Variants in GNA14 observed in about 807,000 individuals in gnomAD.
GNA14 encodes the protein guanine nucleotide-binding protein subunit alpha-14.
GNA14 carries 50 observed loss-of-function variants against 42.0 expected under a neutral mutation model. The ratio of observed to expected loss-of-function variants is 1.19; its 90% CI spans 0.95 to 1.51. GNA14 has a LOEUF of 1.51. Among genes scored for constraint, GNA14 ranks in the 40% most tolerant of loss-of-function variants. GNA14 has a pLI of 0.00. For synonymous variants in GNA14, 173 were observed against 163.1 expected, an observed-to-expected ratio of 1.06 and a Z score of -0.46; for missense variants, 473 against 446.2, an observed-to-expected ratio of 1.06 and a Z score of -0.54.
chr9:77,427,927 C>T (rs1439846338), intron 5 of GNA14, among the ~76,000 whole-genome samples: 1 of 152,212 alleles, frequency 6.6e-6, no homozygotes, highest in Non-Finnish European at 1.5e-5. Flanking sequence ...GTTAGGAAGC[C>T]TGTGCCCAGG....
rs190378383 is a variant in GNA14 at position 77,576,538 on chromosome 9, C to T, written c.125-47285G>A. Among the ~76,000 whole-genome samples the T allele has an allele frequency of 4.6e-5, 7 of 152,210 alleles. No individual in the cohort carries two copies. The East Asian group carries it at 1.4e-3, about 29-fold the overall frequency. ...TACCACTGAAGAGTTTCAGTTGATG[C>T]ATTTGTGTAGCTTCATAAAAAATGG... On this transcript the variant is annotated intron_variant, in intron 1 of 6. Coordinates refer to ENST00000341700, the MANE Select transcript of GNA14 (RefSeq NM_004297.4).
intron 1 of GNA14, among the ~76,000 whole-genome samples, chr9:77,645,831 T>G (rs72732796): frequency 0.012 from 1,903 of 152,292 alleles, 17 homozygotes; most frequent in Non-Finnish European, 0.019. Flanking sequence ...CTTCATACAT[T>G]GACACAAATC....
intron 1 of GNA14, among the ~76,000 whole-genome samples, chr9:77,535,316 G>A (rs977978841): frequency 6.6e-6 from 1 of 152,150 alleles, no homozygotes; most frequent in Non-Finnish European, 1.5e-5. Context: ...AGGCGGAGGC[G>A]GGAGGATCAC....
intron 2 of GNA14, among the ~76,000 whole-genome samples, chr9:77,470,174 G>A (rs755300632): frequency 1.3e-5 from 2 of 152,200 alleles, no homozygotes; most frequent in African/African-American, 4.8e-5. Flanking sequence ...TGTTCAGGAT[G>A]TTCACTGAAC....
chr9:77,565,877 T>G (rs1225437397), intron 1 of GNA14, among the ~76,000 whole-genome samples: 1 of 152,204 alleles, frequency 6.6e-6, no homozygotes, highest in Non-Finnish European at 1.5e-5. Context: ...ACAGTTCATC[T>G]GAAATCAGAA....
chr9:77,578,871 T>G (rs1823171011), intron 1 of GNA14, among the ~76,000 whole-genome samples: 1 of 152,196 alleles, frequency 6.6e-6, no homozygotes, highest in African/African-American at 2.4e-5. Context: ...CCTAGAATAC[T>G]GAGATCCAGT....
intron 2 of GNA14, among the ~76,000 whole-genome samples, chr9:77,521,199 T>A (rs1237393093): frequency 6.6e-6 from 1 of 152,182 alleles, no homozygotes; most frequent in Non-Finnish European, 1.5e-5. Flanking sequence ...ACAGAGTACT[T>A]GGTAAGGAGA....
chr9:77,486,372 A>G (rs1342820059), intron 2 of GNA14, among the ~76,000 whole-genome samples: 4 of 152,236 alleles, frequency 2.6e-5, no homozygotes, highest in Non-Finnish European at 2.9e-5. Flanking sequence ...GGCCAAGGCA[A>G]TGTTACAGCT....
chr9:77,582,734 G>A (rs1336737696), intron 1 of GNA14, among the ~76,000 whole-genome samples: 1 of 152,112 alleles, frequency 6.6e-6, no homozygotes, highest in Admixed American at 6.5e-5. Context: ...CTGATAGCAG[G>A]CAATCACAGA....
rs116946201 is a variant in GNA14, at chr9:77,429,734, C to T, written c.594-698G>A. On this transcript the variant is annotated intron_variant, in intron 4 of 6. Coordinates refer to ENST00000341700, the MANE Select transcript of GNA14 (RefSeq NM_004297.4). Reference sequence around the variant, plus strand: ...GGGCCCTGTCTACAGGGAAGCCTGCCGCGTACCTGCAGCCAAGCTCTGCAG... The same window carrying T: ...GGGCCCTGTCTACAGGGAAGCCTGCTGCGTACCTGCAGCCAAGCTCTGCAG... Among the ~76,000 whole-genome samples the T allele has an allele frequency of 4.3e-3, 650 of 152,330 alleles. 17 individuals carry two copies. In the East Asian group the frequency reaches 0.068, roughly 16 times the overall value.
intron 2 of GNA14, among the ~76,000 whole-genome samples, chr9:77,495,973 A>G (rs1352312737): frequency 6.6e-6 from 1 of 152,150 alleles, no homozygotes; most frequent in Non-Finnish European, 1.5e-5. Flanking sequence ...AGTGTGTATG[A>G]TCCCAGGGAG....
chr9:77,453,150 A>C (rs144316565), intron 2 of GNA14, among the ~76,000 whole-genome samples: 57 of 152,094 alleles, frequency 3.7e-4, no homozygotes, highest in African/African-American at 1.3e-3. Flanking sequence ...TGAAAAAATA[A>C]AAAATAAAAA....
At chr9:77,553,056 A>T (rs1361429677) in intron 1 of GNA14, among the ~76,000 whole-genome samples, 1 of 152,198 alleles carries the variant, frequency 6.6e-6, no homozygotes, top group Non-Finnish European at 1.5e-5. Context: ...CATCCCAGGA[A>T]AAAAGGCACA....
intron 2 of GNA14, among the ~76,000 whole-genome samples, chr9:77,467,868 T>C (rs1836264336): frequency 6.6e-6 from 1 of 152,142 alleles, no homozygotes; most frequent in Non-Finnish European, 1.5e-5. Flanking sequence ...CTTGGTTTTC[T>C]TTTCTTGCCC....
chr9:77,487,743 A>G (rs1836685488), intron 2 of GNA14, among the ~76,000 whole-genome samples: 1 of 152,232 alleles, frequency 6.6e-6, no homozygotes, highest in African/African-American at 2.4e-5. Context: ...AGCAGTAAGA[A>G]TATTAACCAT....
chr9:77,585,039 T>C lies in GNA14; in HGVS notation c.125-55786A>G, dbSNP rs1056900875. Among the ~76,000 whole-genome samples the C allele has an allele frequency of 7.9e-5, 12 of 152,226 alleles. No homozygotes were observed. The South Asian group carries it at 2.5e-3, about 32-fold the overall frequency. On this transcript the variant is annotated intron_variant, in intron 1 of 6. Transcript: ENST00000341700. Reference sequence around the variant, plus strand: ...ACCTGTATCTTGTGCCAATCTCCTATCTCATTCTGTGACTTAGAATGCCGA... The same window carrying C: ...ACCTGTATCTTGTGCCAATCTCCTACCTCATTCTGTGACTTAGAATGCCGA...
rs140632583 is a variant in GNA14 at position 77,503,623 on chromosome 9, T to C, written c.309+25446A>G. Among the ~76,000 whole-genome samples the C allele has an allele frequency of 2.5e-3, 378 of 151,684 alleles. 1 individual carries two copies. Among genetic ancestry groups the C allele is most frequent in the African/African-American group, 8.9e-3 (370 of 41,346 alleles). ...TATGGAAATACAACTAATACCTAAG[T>C]ACACAAAGAAATTTACATCAAATTT... On this transcript the variant is annotated intron_variant, in intron 2 of 6. Coordinates refer to ENST00000341700, the MANE Select transcript of GNA14 (RefSeq NM_004297.4).
At chr9:77,459,901 C>T (rs1456766935) in intron 2 of GNA14, among the ~76,000 whole-genome samples, 3 of 152,178 alleles carry the variant, frequency 2.0e-5, no homozygotes, top group Admixed American at 6.5e-5. Flanking sequence ...ATCCCGCTAC[C>T]CCACTGTGGC....
intron 2 of GNA14, among the ~76,000 whole-genome samples, chr9:77,456,761 T>C (rs913349819): frequency 3.6e-4 from 55 of 152,158 alleles, no homozygotes; most frequent in African/African-American, 1.2e-3. Context: ...CCAAAGGATA[T>C]TATTTATACA....
Sources: gnomAD v4.1 joint callset for allele counts (sites outside exome capture counted in the v4.1 genomes callset) on GRCh38, gnomAD v4.1.1 for gene constraint, MANE v1.5 for transcripts, NCBI Gene and HGNC (gene_info 2026-07-23, HGNC 2026-07-21) for gene names.